Variants in PCDHGB6 observed in about 807,000 individuals in gnomAD.
PCDHGB6 encodes protocadherin gamma-B6.
In PCDHGB6, 51 loss-of-function variants were observed where a neutral mutation model predicts 59.1. The observed-to-expected ratio is 0.86, with a 90% confidence interval of 0.69 to 1.09. The LOEUF is 1.09. Ranked by LOEUF, PCDHGB6 falls within the 50% of genes least tolerant of loss-of-function variation. The pLI, the probability that PCDHGB6 is intolerant of heterozygous loss-of-function variation, is 0.00. For synonymous variants in PCDHGB6, 466 were observed against 495.1 expected (o/e 0.94, Z 0.78); for missense variants, 1,148 against 1,205.1 (o/e 0.95, Z 0.70).
At chr5:141,450,129 C>T (rs1211301953) in intron 1 of PCDHGB6, among the ~76,000 whole-genome samples, 1 of 151,472 alleles carries the variant, frequency 6.6e-6, no homozygotes, top group African/African-American at 2.4e-5. Context: ...GCCTTAGCCT[C>T]CTGAGTAGCT....
At chr5:141,467,628 C>G (rs181245841) in intron 1 of PCDHGB6, among the ~76,000 whole-genome samples, 49 of 152,224 alleles carry the variant, frequency 3.2e-4, no homozygotes, top group African/African-American at 1.1e-3. Context: ...TTTGAGATAG[C>G]ATCTTTATCA....
chr5:141,418,036 G>T, intron 1 of PCDHGB6: 1 of 1,614,020 alleles, frequency 6.2e-7, no homozygotes, highest in Non-Finnish European at 8.5e-7. Context: ...TTAGTGTCCT[G>T]GATGTGTCGG....
rs777780708 is a variant in PCDHGB6, at chr5:141,489,934, G to C, written c.2419-4873G>C. ...AGGGACCACCCTTATCTCTGTCATC[G>C]TGCTGGACATCAATGATAATGCTCC... On this transcript the variant is annotated intron_variant, in intron 1 of 3. Transcript: ENST00000520790. The surrounding 1 kb of genome is among the most constrained non-coding windows in gnomAD (Gnocchi z 4.5). The C allele has an allele frequency of 1.4e-5, 23 of 1,614,176 alleles. No homozygotes were observed. Among genetic ancestry groups the C allele is most frequent in the Non-Finnish European group, 1.8e-5 (21 of 1,180,030 alleles).
intron 1 of PCDHGB6, among the ~76,000 whole-genome samples, chr5:141,457,029 C>G (rs2098904194): frequency 6.6e-6 from 1 of 152,170 alleles, no homozygotes; most frequent in Non-Finnish European, 1.5e-5. Flanking sequence ...TCCTAGTAGA[C>G]TCAGTGATAG....
At chr5:141,415,476 G>A (rs765634887) in intron 1 of PCDHGB6, 1 of 1,614,076 alleles carries the variant, frequency 6.2e-7, no homozygotes. Context: ...CCGCGGACTC[G>A]CGAAAGAGTC....
intron 1 of PCDHGB6, chr5:141,413,770 G>A: frequency 6.2e-7 from 1 of 1,612,708 alleles, no homozygotes; most frequent in Non-Finnish European, 8.5e-7. Context: ...CCCGGAGCTG[G>A]TACTGGAGCA....
At chr5:141,422,899 G>C (rs759972749) in intron 1 of PCDHGB6, 13 of 1,614,116 alleles carry the variant, frequency 8.1e-6, no homozygotes, top group Middle Eastern at 3.3e-4. Context: ...GGACCAGAAC[G>C]ACAATGCGCC....
intron 1 of PCDHGB6, chr5:141,430,693 C>A: frequency 1.4e-6 from 2 of 1,425,428 alleles, no homozygotes; most frequent in Admixed American, 2.6e-5. Context: ...ATTCTATGGG[C>A]GAAGGAACTG....
chr5:141,434,044 A>T (rs2097670450), intron 1 of PCDHGB6, among the ~76,000 whole-genome samples: 2 of 152,132 alleles, frequency 1.3e-5, no homozygotes, highest in South Asian at 4.1e-4. Flanking sequence ...TTTCTATTTT[A>T]TTCAATGGCC....
intron 1 of PCDHGB6, chr5:141,428,419 C>G: frequency 4.4e-6 from 2 of 451,920 alleles, no homozygotes; most frequent in Non-Finnish European, 4.1e-6. Flanking sequence ...TCACCCTGGT[C>G]TCTGTTCTAA....
chr5:141,495,603 C>T (rs2099762369), intron 2 of PCDHGB6, among the ~76,000 whole-genome samples: 1 of 152,238 alleles, frequency 6.6e-6, no homozygotes, highest in Non-Finnish European at 1.5e-5. Flanking sequence ...TAGCTTCCGT[C>T]TTGATTGCTG....
intron 1 of PCDHGB6, chr5:141,433,110 G>T (rs1031253372): frequency 1.2e-6 from 2 of 1,614,098 alleles, no homozygotes; most frequent in East Asian, 4.5e-5. Context: ...AGCCAGGAGA[G>T]CTTTGAAAAA....
chr5:141,423,265 G>A (rs973635802), intron 1 of PCDHGB6: 15 of 1,613,548 alleles, frequency 9.3e-6, no homozygotes, highest in African/African-American at 1.3e-5. Context: ...CGGCAGCCTC[G>A]AGTCTCTGGC....
rs192747939 is a variant in PCDHGB6 at position 141,487,483 on chromosome 5, T to A, written c.2419-7324T>A. ...TTGTTGATGTGGGAGGCCACTCTCA[T>A]GGCTGTACACCCTTGGCTTCTGCAC... On this transcript the variant is annotated intron_variant, in intron 1 of 3. Transcript: ENST00000520790. This position sits in a 1 kb window ranked among gnomAD's most constrained non-coding sequence, Gnocchi z 5.0. 1 of 1,614,224 alleles carries A rather than the reference T, an allele frequency of 6.2e-7. No individual in the cohort carries two copies. The highest frequency in any genetic ancestry group is 1.1e-5 in the South Asian group (1 of 91,084).
chr5:141,455,580 T>G (rs572453788), intron 1 of PCDHGB6, among the ~76,000 whole-genome samples: 26 of 152,142 alleles, frequency 1.7e-4, no homozygotes, highest in Middle Eastern at 3.2e-3. Context: ...ACCCCAGCCT[T>G]TTAATATGCA....
chr5:141,490,715 C>G lies in PCDHGB6; in HGVS notation c.2419-4092C>G, dbSNP rs757619272. The stretch of plus-strand genomic sequence containing the variant: ...GGGGATAATGCCCGCCTCACCTACT[C>G]CATTGTAGGAAATCAGGTTCAGGGA... On this transcript the variant is annotated intron_variant, in intron 1 of 3. Coordinates refer to ENST00000520790, the MANE Select transcript of PCDHGB6 (RefSeq NM_018926.3). This position sits in a 1 kb window ranked among gnomAD's most constrained non-coding sequence, Gnocchi z 5.4. 14 of 1,614,130 alleles carry G rather than the reference C, an allele frequency of 8.7e-6. No individual in the cohort carries two copies. Among genetic ancestry groups the G allele is most frequent in the Non-Finnish European group, 1.1e-5 (13 of 1,179,978 alleles).
chr5:141,448,706 C>G (rs1344013319), intron 1 of PCDHGB6, among the ~76,000 whole-genome samples: 1 of 151,732 alleles, frequency 6.6e-6, no homozygotes, highest in African/African-American at 2.4e-5. Context: ...TTTGGGAGGC[C>G]GAGGCGGGAG....
In PCDHGB6 at chr5:141,485,145, A is replaced by G. The variant is rs766014792; in HGVS notation, c.2419-9662A>G. On this transcript the variant is annotated intron_variant, in intron 1 of 3. Coordinates refer to ENST00000520790, the MANE Select transcript of PCDHGB6 (RefSeq NM_018926.3). The surrounding 1 kb of genome is among the most constrained non-coding windows in gnomAD (Gnocchi z 5.7). Reference sequence around the variant, plus strand: ...GGGTCGGCTTCATCCGCGTCTCAGGAGCAAGTAGAGAATTAGCGGGCGGCA... The same window carrying G: ...GGGTCGGCTTCATCCGCGTCTCAGGGGCAAGTAGAGAATTAGCGGGCGGCA... The G allele has an allele frequency of 4.5e-6, 7 of 1,567,410 alleles. No individual in the cohort carries two copies. Among genetic ancestry groups the G allele is most frequent in the Non-Finnish European group, 6.1e-6 (7 of 1,142,014 alleles).
chr5:141,460,037 C>A (rs1203902962), intron 1 of PCDHGB6, among the ~76,000 whole-genome samples: 1 of 152,120 alleles, frequency 6.6e-6, no homozygotes, highest in African/African-American at 2.4e-5. Context: ...GAGACTGCAC[C>A]ACTGCACTCC....
Sources: gnomAD v4.1 joint callset for allele counts (sites outside exome capture counted in the v4.1 genomes callset) on GRCh38, gnomAD v4.1.1 for gene constraint, Gnocchi (gnomAD v3.1) non-coding constraint, MANE v1.5 for transcripts, NCBI Gene and HGNC (gene_info 2026-07-23, HGNC 2026-07-21) for gene names.